The following ECE1 variants were observed in gnomAD, a reference collection of about 807,000 sequenced individuals.
ECE1 encodes endothelin converting enzyme 1, also known as endothelin-converting enzyme 1.
A neutral mutation model predicts 98.6 loss-of-function variants in ECE1; 35 were observed. The ratio of observed to expected loss-of-function variants is 0.35; its 90% CI spans 0.27 to 0.47. The LOEUF (loss-of-function observed/expected upper bound fraction) is 0.47. ECE1 is among the 20% of genes least tolerant of loss of function. The pLI is 1.00. For synonymous variants in ECE1, 394 were observed against 407.1 expected, an observed-to-expected ratio of 0.97 and a Z score of 0.39; for missense variants, 814 against 1,025.3, an observed-to-expected ratio of 0.79 and a Z score of 2.81.
At chr1:21,228,425 GTTAA>G (rs1392296681) in intron 14 of ECE1, among the ~76,000 whole-genome samples, 1 of 152,126 alleles carries the variant, frequency 6.6e-6, no homozygotes, top group Admixed American at 6.6e-5. Flanking sequence ...TAAGGAATCA[GTTAA>G]TTAATGATGT....
chr1:21,236,720 C>T, intron 12 of ECE1, 26 bp downstream of exon 12: 1 of 1,609,180 alleles, frequency 6.2e-7, no homozygotes, highest in Non-Finnish European at 8.5e-7. Context: ...CCGCAGCACC[C>T]CCTCCAAGTG....
At chr1:21,309,539 T>C (rs1638670752) in intron 1 of ECE1, among the ~76,000 whole-genome samples, 1 of 152,194 alleles carries the variant, frequency 6.6e-6, no homozygotes, top group South Asian at 2.1e-4. Flanking sequence ...CTCTGCTCTG[T>C]GGCACGAGGC....
chr1:21,308,081 C>T (rs1638637759), intron 1 of ECE1, among the ~76,000 whole-genome samples: 1 of 152,224 alleles, frequency 6.6e-6, no homozygotes, highest in African/African-American at 2.4e-5. Context: ...AGCAGCTGCC[C>T]TTCCCCTGGA....
At chr1:21,344,884 G>A (rs1569803762) in intron 1 of ECE1, 1 of 153,054 alleles carries the variant, frequency 6.5e-6, no homozygotes, top group African/African-American at 2.4e-5. Context: ...CTAGCCCTCC[G>A]AATGCGCCGG....
chr1:21,333,194 G>A (rs1639239339), intron 1 of ECE1, among the ~76,000 whole-genome samples: 2 of 152,234 alleles, frequency 1.3e-5, no homozygotes, highest in African/African-American at 4.8e-5. Flanking sequence ...ACAGGTATTG[G>A]TGGTGCGTGG....
intron 1 of ECE1, among the ~76,000 whole-genome samples, chr1:21,335,547 G>A (rs138468033): frequency 1.8e-4 from 28 of 152,322 alleles, no homozygotes; most frequent in Non-Finnish European, 3.2e-4. Context: ...GGTTCAGACC[G>A]AGGGCGACCT....
chr1:21,335,490 G>A (rs1419948337), intron 1 of ECE1, among the ~76,000 whole-genome samples: 1 of 152,184 alleles, frequency 6.6e-6, no homozygotes, highest in African/African-American at 2.4e-5. Context: ...CTGCAGCCCT[G>A]AGAGGTGGAT....
At chr1:21,250,943 C>A (rs2098211961) in intron 8 of ECE1, among the ~76,000 whole-genome samples, 1 of 151,590 alleles carries the variant, frequency 6.6e-6, no homozygotes, top group Non-Finnish European at 1.5e-5. Flanking sequence ...GGAGGCAGAG[C>A]TTGCAGTGAG....
rs1573978645 is a variant in ECE1, at chr1:21,258,904, G to C, written c.616-65C>G. ...CGGGGAGACCCAGATGTGAATTCTG[G>C]TTCTGCCGCTGACTTGCTCTGTGAC... On this transcript the variant is annotated intron_variant, in intron 5 of 18. Transcript: ENST00000374893. This position sits in a 1 kb window ranked among gnomAD's most constrained non-coding sequence, Gnocchi z 4.2. The C allele has an allele frequency of 6.2e-7, 1 of 1,600,430 alleles. No individual in the cohort carries two copies. Among genetic ancestry groups the C allele is most frequent in the Non-Finnish European group, 8.5e-7 (1 of 1,172,696 alleles).
chr1:21,228,091 T>G (rs1331412067), intron 14 of ECE1, 50 bp from the exon 15 acceptor site: 1 of 1,436,648 alleles, frequency 7.0e-7, no homozygotes, highest in Admixed American at 2.0e-5. Flanking sequence ...GGGAGGCAGG[T>G]GGGGACAGCC....
intron 2 of ECE1, 32 bp from the exon 3 acceptor site, chr1:21,279,364 G>C (rs1390801715): frequency 1.9e-6 from 3 of 1,613,810 alleles, no homozygotes; most frequent in Non-Finnish European, 2.5e-6. Context: ...GGGCGGGGAA[G>C]ACGTGAGCCC....
At position 21,220,584 on chromosome 1, in the gene ECE1, G is replaced by A. The variant is rs11806702; in HGVS notation, c.2137-453C>T. The stretch of plus-strand genomic sequence containing the variant: ...CCAAGGTGGCGGTGGATCACTTGAG[G>A]CCAGGAGTTCGAGACCGGCCTGACA... On this transcript the variant is annotated intron_variant, in intron 18 of 18. Transcript: ENST00000374893. This position sits in a 1 kb window ranked among gnomAD's most constrained non-coding sequence, Gnocchi z 5.0. Among the ~76,000 whole-genome samples the A allele has an allele frequency of 0.013, 1,990 of 152,132 alleles. 42 individuals carry two copies. Among genetic ancestry groups the A allele is most frequent in the African/African-American group, 0.045 (1,866 of 41,492 alleles).
Position 21,220,270 on chromosome 1 carries a change from G to A in ECE1, c.2137-139C>T. On this transcript the variant is annotated intron_variant, in intron 18 of 18. Transcript: ENST00000374893. This position sits in a 1 kb window ranked among gnomAD's most constrained non-coding sequence, Gnocchi z 5.0. ...CAGCACTTTGGGAGCCAAGGTGGAA[G>A]GGCTGCTTGAGCCCAGGAGTTCATG... 4.2e-6 allele frequency: 4 copies of A among 957,814 alleles called. No homozygotes were observed. The highest frequency in any genetic ancestry group is 1.8e-5 in the South Asian group (1 of 56,552). The allele number at this position is 957,814 out of a possible 1,614,324, so 59.3% of individuals were successfully genotyped here.
At position 21,279,059 on chromosome 1, in the gene ECE1, C is replaced by T. The variant is rs942263617; in HGVS notation, c.280+132G>A. 6 of 1,491,330 alleles carry T rather than the reference C, an allele frequency of 4.0e-6. No homozygotes were observed. In the Admixed American group the frequency reaches 7.1e-5, roughly 18 times the overall value. 92.4% of individuals were successfully genotyped at this position (1,491,330 alleles called of 1,614,324 possible). A position where few individuals can be genotyped will look rare whatever the true frequency, so the allele number is the denominator to read the frequency against. On this transcript the variant is annotated intron_variant, in intron 3 of 18. Transcript: ENST00000374893. ...TCTTGGTCTATCTCAGCACCCAGACCCCCCTGGGCCTGGCTCCCTCCTTAG... is the reference window on the plus strand; with the variant it reads ...TCTTGGTCTATCTCAGCACCCAGACTCCCCTGGGCCTGGCTCCCTCCTTAG...
chr1:21,291,256 G>A (rs943391522), upstream of ECE1, among the ~76,000 whole-genome samples: 1 of 152,220 alleles, frequency 6.6e-6, no homozygotes, highest in African/African-American at 2.4e-5. Flanking sequence ...GAACCCCAGA[G>A]AGGTCTAACC....
At position 21,272,712 on chromosome 1, in the gene ECE1, G is replaced by A. The variant is rs752356493; in HGVS notation, c.480C>T (p.Ile160=). 3.7e-6 allele frequency: 6 copies of A among 1,614,256 alleles called. No individual in the cohort carries two copies. The highest frequency in any genetic ancestry group is 5.1e-6 in the Non-Finnish European group (6 of 1,180,044). ...SNLWEHNQAI[I]KHLLENSTAS... is the part of the protein sequence containing the mutation. ...CTGGATGCTTACCGAGGAGGTGCTT[G>A]ATGATTGCTTGGTTGTGTTCCCAGA... is the stretch of plus-strand genomic sequence containing the variant. The change falls in exon 4 of 19, where the codon ATC becomes ATT. Residue 160 remains isoleucine, a synonymous_variant. Coordinates refer to ENST00000374893, the MANE Select transcript of ECE1 (RefSeq NM_001397.3).
At chr1:21,248,099 T>A (rs1444490979) in intron 8 of ECE1, among the ~76,000 whole-genome samples, 1 of 152,074 alleles carries the variant, frequency 6.6e-6, no homozygotes, top group Non-Finnish European at 1.5e-5. Context: ...TCGGGAAGGG[T>A]TGAACATTAA....
At chr1:21,323,157 G>A (rs895871318) in intron 1 of ECE1, among the ~76,000 whole-genome samples, 6 of 152,100 alleles carry the variant, frequency 3.9e-5, no homozygotes, top group African/African-American at 1.4e-4. Context: ...CTGATCCCCA[G>A]GGCAATCTCA....
chr1:21,229,473 G>A (rs1485110042), intron 14 of ECE1, among the ~76,000 whole-genome samples: 3 of 151,946 alleles, frequency 2.0e-5, no homozygotes, highest in Non-Finnish European at 2.9e-5. Flanking sequence ...AATTTCAGAC[G>A]TGGACATCTG....
Sources: gnomAD v4.1 joint callset for allele counts (sites outside exome capture counted in the v4.1 genomes callset) on GRCh38, gnomAD v4.1.1 for gene constraint, Gnocchi (gnomAD v3.1) non-coding constraint, MANE v1.5 for transcripts, NCBI Gene and HGNC (gene_info 2026-07-23, HGNC 2026-07-21) for gene names.